Variants in SCN3A observed in about 807,000 individuals in gnomAD.
The protein encoded by SCN3A is sodium voltage-gated channel alpha subunit 3, also known as sodium channel protein type 3 subunit alpha.
In SCN3A, 60 loss-of-function variants were observed where a neutral mutation model predicts 187.6. The observed-to-expected ratio is 0.32, with a 90% confidence interval of 0.26 to 0.40. SCN3A has a LOEUF of 0.40. Ranked by LOEUF, SCN3A falls within the 10% of genes least tolerant of loss-of-function variation. The pLI, the probability that SCN3A is intolerant of heterozygous loss-of-function variation, is 1.00. For synonymous variants in SCN3A, 788 were observed against 829.2 expected, an observed-to-expected ratio of 0.95 and a Z score of 0.85; for missense variants, 1,601 against 2,428.2, an observed-to-expected ratio of 0.66 and a Z score of 7.16.
rs1165049129 is a variant in SCN3A, at chr2:165,140,042, T to C, written c.2020-434A>G. 6.6e-6 allele frequency among the ~76,000 whole-genome samples: 1 copy of C among 152,194 alleles called. No homozygotes were observed. The highest frequency in any genetic ancestry group is 2.4e-5 in the African/African-American group (1 of 41,452). ...GGCTGAATTATTTTCTTTGAGGCTA[T>C]ATTGACAATATTGACATATGTGGGC... On this transcript the variant is annotated intron_variant, in intron 13 of 27. Coordinates refer to ENST00000283254, the MANE Select transcript of SCN3A (RefSeq NM_006922.4). This position sits in a 1 kb window ranked among gnomAD's most constrained non-coding sequence, Gnocchi z 4.2.
chr2:165,194,077 C>T (rs889219976), intron 1 of SCN3A, among the ~76,000 whole-genome samples: 7 of 152,110 alleles, frequency 4.6e-5, no homozygotes, highest in Non-Finnish European at 1.0e-4. Context: ...AAACATGCCC[C>T]TGCCCTATCT....
chr2:165,132,182 T>G (rs1687371875), intron 15 of SCN3A, among the ~76,000 whole-genome samples: 1 of 152,092 alleles, frequency 6.6e-6, no homozygotes, highest in Admixed American at 6.5e-5. Flanking sequence ...GAAGAATCAA[T>G]ATCGTGAAAA....
At chr2:165,148,709 G>A (rs1053751765) in intron 11 of SCN3A, among the ~76,000 whole-genome samples, 1 of 151,764 alleles carries the variant, frequency 6.6e-6, no homozygotes, top group African/African-American at 2.4e-5. Context: ...CTTGATATAA[G>A]ACAATACCCA....
At chr2:165,180,523 G>T (rs1306757632) in intron 2 of SCN3A, among the ~76,000 whole-genome samples, 1 of 151,982 alleles carries the variant, frequency 6.6e-6, no homozygotes, top group Non-Finnish European at 1.5e-5. Flanking sequence ...TGGTGGTAGT[G>T]GTTGGGAAAG....
At position 165,096,568 on chromosome 2, in the gene SCN3A, A is replaced by G. The variant is rs773074967; in HGVS notation, c.4240-48T>C. 2.2e-6 allele frequency: 3 copies of G among 1,357,380 alleles called. No homozygotes were observed. The South Asian group carries it at 3.5e-5, about 16-fold the overall frequency. The allele number at this position is 1,357,380 out of a possible 1,614,324, so 84.1% of individuals were successfully genotyped here. A position where few individuals can be genotyped will look rare whatever the true frequency, so the allele number is the denominator to read the frequency against. On this transcript the variant is annotated intron_variant, in intron 23 of 27. Transcript: ENST00000283254. ...TTGTTCATAAAAATTTCACCTAACA[A>G]TGACATTTAACCAGATGAAAATCTG... is the stretch of plus-strand genomic sequence containing the variant.
rs1060500005 is a variant in SCN3A, at chr2:165,096,506, G to A, written c.4254C>T (p.Gly1418=). The change falls in exon 24 of 28, where the codon GGC becomes GGT. Residue 1418 remains glycine, a synonymous_variant. Transcript: ENST00000283254. ...CAGCTGCATACATAATATCCATCCA[G>A]CCTTTAAATGTGGCCTGTAAATAAC... ...LALLQVATFK[G]WMDIMYAAVD... 1 of 1,610,812 alleles carries A rather than the reference G, an allele frequency of 6.2e-7. No individual in the cohort carries two copies. The highest frequency in any genetic ancestry group is 1.7e-5 in the Admixed American group (1 of 59,954).
At chr2:165,131,466 T>A in intron 15 of SCN3A, 49 bp from the exon 16 acceptor site, 1 of 1,320,908 alleles carries the variant, frequency 7.6e-7, no homozygotes, top group Non-Finnish European at 1.1e-6. Flanking sequence ...AAAACACTGA[T>A]GCTACACGAA....
In SCN3A at chr2:165,162,758, C is replaced by A. The variant is rs1433940864; in HGVS notation, c.765G>T (p.Val255=). The change falls in exon 8 of 28, where the codon GTG becomes GTT. Residue 255 remains valine (V), a synonymous_variant. Transcript: ENST00000283254. ...TGAGAGCAAACACGCTCAGACAGAA[C>A]ACAGTCAGGATCATCACATCAGAAA... is the stretch of plus-strand genomic sequence containing the variant. ...KKLSDVMILT[V]FCLSVFALIG... is the part of the protein sequence containing the mutation. The A allele has an allele frequency of 3.1e-6, 5 of 1,614,140 alleles. No individual in the cohort carries two copies. The highest frequency in any genetic ancestry group is 4.2e-6 in the Non-Finnish European group (5 of 1,180,000).
chr2:165,124,188 G>T (rs975797485), intron 18 of SCN3A, among the ~76,000 whole-genome samples: 55 of 151,922 alleles, frequency 3.6e-4, no homozygotes, highest in African/African-American at 1.3e-3. Flanking sequence ...TTTTTGTTCA[G>T]GTAAGAAATG....
intron 11 of SCN3A, among the ~76,000 whole-genome samples, chr2:165,149,789 A>G (rs1051361323): frequency 6.6e-6 from 1 of 152,224 alleles, no homozygotes; most frequent in Non-Finnish European, 1.5e-5. Context: ...TTTAACAAAT[A>G]AGAAATTTCA....
intron 5 of SCN3A, 74 bp downstream of exon 5, chr2:165,168,662 A>G (rs1365502444): frequency 7.8e-6 from 8 of 1,027,282 alleles, no homozygotes; most frequent in Middle Eastern, 2.1e-4. Context: ...ACCATAAGTC[A>G]GGCTATACCC....
intron 11 of SCN3A, among the ~76,000 whole-genome samples, chr2:165,153,777 AC>A (rs2105858008): frequency 6.6e-6 from 1 of 152,260 alleles, no homozygotes; most frequent in African/African-American, 2.4e-5. Context: ...TCAGATTTTT[AC>A]TATATATTCG....
At chr2:165,195,914 C>G (rs1234296214) in intron 1 of SCN3A, among the ~76,000 whole-genome samples, 3 of 152,060 alleles carry the variant, frequency 2.0e-5, no homozygotes, top group Non-Finnish European at 4.4e-5. Context: ...TTACCCTTTC[C>G]TTTTCAAAAT....
In SCN3A at chr2:165,092,935, C is replaced by T. The variant is rs1015101118; in HGVS notation, c.4537-411G>A. 4.9e-5 allele frequency: 9 copies of T among 183,676 alleles called. No homozygotes were observed. Among genetic ancestry groups the T allele is most frequent in the Non-Finnish European group, 1.0e-4 (9 of 87,550 alleles). 11.4% of individuals were successfully genotyped at this position (183,676 alleles called of 1,614,324 possible). A position where few individuals can be genotyped will look rare whatever the true frequency, so the allele number is the denominator to read the frequency against. ...TGGTATGGTGGCACAGGCTTGCAGT[C>T]CCAGCTACGAGGGAGGCTGAGGTGA... On this transcript the variant is annotated intron_variant, in intron 26 of 27. Coordinates refer to ENST00000283254, the MANE Select transcript of SCN3A (RefSeq NM_006922.4). The surrounding 1 kb of genome is among the most constrained non-coding windows in gnomAD (Gnocchi z 4.2).
In SCN3A at chr2:165,090,730, A is replaced by G. The variant is rs1685054282; in HGVS notation, c.5423T>C (p.Ile1808Thr). The G allele has an allele frequency of 6.2e-7, 1 of 1,614,118 alleles. No individual in the cohort carries two copies. Among genetic ancestry groups the G allele is most frequent in the Non-Finnish European group, 8.5e-7 (1 of 1,180,010 alleles). ...EKFDPDATQF[I>T]EFSKLSDFAA... Reference sequence around the variant, plus strand: ...AAAATCAGAGAGTTTAGAGAACTCTATAAACTGGGTCGCATCGGGATCAAA... The same window carrying G: ...AAAATCAGAGAGTTTAGAGAACTCTGTAAACTGGGTCGCATCGGGATCAAA... Residue 1808 changes from isoleucine (I) to threonine (T), a missense_variant, in exon 28 of 28, where the codon ATA becomes ACA. Ile to Thr is a moderately conservative substitution (Grantham distance 89, BLOSUM62 -1). This residue lies in a region of SCN3A where 110 missense variants were observed against 175.9 expected (regional missense o/e 0.63). Transcript: ENST00000283254. The surrounding 1 kb of genome is among the most constrained non-coding windows in gnomAD (Gnocchi z 4.0).
At chr2:165,163,482 G>T in intron 7 of SCN3A, 136 bp downstream of exon 7, 1 of 1,074,084 alleles carries the variant, frequency 9.3e-7, no homozygotes. Flanking sequence ...GAGCTAAACT[G>T]ACATTGAAAC....
chr2:165,100,309 C>G lies in SCN3A; in HGVS notation c.3959G>C (p.Gly1320Ala). 1.2e-6 allele frequency: 2 copies of G among 1,613,696 alleles called. No homozygotes were observed. The highest frequency in any genetic ancestry group is 1.7e-6 in the Non-Finnish European group (2 of 1,179,792). The change falls in exon 22 of 28, where the codon GGC becomes GCC. Residue 1320 changes from glycine (G) to alanine (A), a missense_variant. Coordinates refer to ENST00000283254, the MANE Select transcript of SCN3A (RefSeq NM_006922.4). ...AGTGTCTATTCTTCTTACCCTCATGCCTTCAAACCGGGATAAGGCTCTTAG... is the reference window on the plus strand; with the variant it reads ...AGTGTCTATTCTTCTTACCCTCATGGCTTCAAACCGGGATAAGGCTCTTAG... ...RPLRALSRFE[G>A]MRVVVNALVG...
In SCN3A at chr2:165,155,445, G is replaced by C. The variant is rs548378796; in HGVS notation, c.1173+317C>G. On this transcript the variant is annotated intron_variant, in intron 10 of 27. Coordinates refer to ENST00000283254, the MANE Select transcript of SCN3A (RefSeq NM_006922.4). The stretch of plus-strand genomic sequence containing the variant: ...GATGGGGTCTTACTCTGTCATCTAG[G>C]CTGGAGTGCAATGATATGATCTCGA... Among the ~76,000 whole-genome samples the C allele has an allele frequency of 4.6e-5, 7 of 151,356 alleles. No individual in the cohort carries two copies. In the South Asian group the frequency reaches 1.3e-3, roughly 27 times the overall value.
chr2:165,176,249 G>A lies in SCN3A; in HGVS notation c.146C>T (p.Pro49Leu). Residue 49 changes from proline to leucine, a missense_variant, in exon 3 of 28, where the codon CCA (proline) becomes CTA (leucine). Transcript: ENST00000283254. ...KEQDNDDENK[P>L]KPNSDLEAGK... ...AGCTTCCAAGTCACTATTTGGCTTTGGTTTGTTCTCATCATCATTATCTTG... is the reference window on the plus strand; with the variant it reads ...AGCTTCCAAGTCACTATTTGGCTTTAGTTTGTTCTCATCATCATTATCTTG... The A allele has an allele frequency of 1.2e-6, 2 of 1,612,796 alleles. No individual in the cohort carries two copies. Among genetic ancestry groups the A allele is most frequent in the African/African-American group, 2.7e-5 (2 of 74,818 alleles).
Sources: gnomAD v4.1 joint callset for allele counts (sites outside exome capture counted in the v4.1 genomes callset) on GRCh38, gnomAD v4.1.1 for gene constraint, gnomAD v4.1.1 regional missense constraint, Gnocchi (gnomAD v3.1) non-coding constraint, MANE v1.5 for transcripts, NCBI Gene and HGNC (gene_info 2026-07-23, HGNC 2026-07-21) for gene names.